The following TRIM3 variants were observed in gnomAD, a reference collection of about 807,000 sequenced individuals.
TRIM3 encodes tripartite motif containing 3.
A neutral mutation model predicts 66.6 loss-of-function variants in TRIM3; 13 were observed. That is an observed-to-expected ratio of 0.20 (90% CI 0.13 to 0.31). The LOEUF is 0.31. TRIM3 is among the 10% of genes least tolerant of loss of function. The probability of loss-of-function intolerance (pLI) is 1.00; values close to 1 mark genes in which losing one functional copy is unlikely to be tolerated. For missense variants in TRIM3, 711 were observed against 1,020.4 expected (o/e 0.70, Z 4.13); for synonymous variants, 406 against 411.7 (o/e 0.99, Z 0.17).
In TRIM3 at chr11:6,449,963, C is replaced by A; in HGVS notation, c.1942-517G>T. 6.3e-6 allele frequency: 1 copy of A among 159,658 alleles called. No individual in the cohort carries two copies. Among genetic ancestry groups the A allele is most frequent in the South Asian group, 1.9e-4 (1 of 5,394 alleles). The allele number at this position is 159,658 out of a possible 1,614,324, so 9.9% of individuals were successfully genotyped here. A position where few individuals can be genotyped will look rare whatever the true frequency, so the allele number is the denominator to read the frequency against. On this transcript the variant is annotated intron_variant, in intron 10 of 11. Transcript: ENST00000345851. The surrounding 1 kb of genome is among the most constrained non-coding windows in gnomAD (Gnocchi z 5.3). ...CACACAGGACTGCATCACTCCCCTG[C>A]CTGCAATCCTGTGACTCCCCATAGC...
At chr11:6,464,986 C>CAAAAAAAAAA (rs544959608) in intron 2 of TRIM3, among the ~76,000 whole-genome samples, 1 of 54,178 alleles carries the variant, frequency 1.8e-5, no homozygotes, top group Non-Finnish European at 3.3e-5. Context: ...GACTCCATCT[C>CAAAAAAAAAA]AAAAAAAAAA....
At chr11:6,461,113 C>T (rs1038220067) in intron 2 of TRIM3, among the ~76,000 whole-genome samples, 20 of 151,930 alleles carry the variant, frequency 1.3e-4, no homozygotes, top group Non-Finnish European at 2.5e-4. Flanking sequence ...GTCATGTTGG[C>T]CAGGCTGGTC....
At position 6,458,440 on chromosome 11, in the gene TRIM3, A is replaced by T. The variant is rs972455139; in HGVS notation, c.132-144T>A. On this transcript the variant is annotated intron_variant, in intron 2 of 11. Transcript: ENST00000345851. This position sits in a 1 kb window ranked among gnomAD's most constrained non-coding sequence, Gnocchi z 6.2. ...AAAACCTCTCTGCTTGACACATCTC[A>T]TCTGCCAGCAGGTATAATGGCCTTG... 3.1e-5 allele frequency: 21 copies of T among 675,020 alleles called. No homozygotes were observed. The highest frequency in any genetic ancestry group is 1.5e-4 in the South Asian group (8 of 51,972). 41.8% of individuals were successfully genotyped at this position (675,020 alleles called of 1,614,324 possible). A position where few individuals can be genotyped will look rare whatever the true frequency, so the allele number is the denominator to read the frequency against.
At chr11:6,465,803 T>A in intron 1 of TRIM3, 71 bp from the exon 2 acceptor site, 1 of 1,432,516 alleles carries the variant, frequency 7.0e-7, no homozygotes, top group Non-Finnish European at 9.6e-7. Context: ...GCCACTCAAA[T>A]CCCCTGCAGA....
chr11:6,457,943 C>T lies in TRIM3; in HGVS notation c.364-96G>A. Reference sequence around the variant, plus strand: ...CCCTGCCCCTCACCTTCTAAGTGCACCCCCTACCTGGACCACTAATCCAGA... The same window carrying T: ...CCCTGCCCCTCACCTTCTAAGTGCATCCCCTACCTGGACCACTAATCCAGA... On this transcript the variant is annotated intron_variant, in intron 3 of 11. Transcript: ENST00000345851. This position sits in a 1 kb window ranked among gnomAD's most constrained non-coding sequence, Gnocchi z 4.5. 6.4e-7 allele frequency: 1 copy of T among 1,561,640 alleles called. No homozygotes were observed. Among genetic ancestry groups the T allele is most frequent in the Non-Finnish European group, 8.7e-7 (1 of 1,148,432 alleles).
chr11:6,456,389 C>A lies in TRIM3; in HGVS notation c.1337G>T (p.Arg446Leu), dbSNP rs767172065. The part of the protein sequence containing the change: ...KSPGGPGSHV[R>L]QKAVRRPSSM... ...GCTGGGCCTACGCACTGCCTTCTGG[C>A]GCACATGGCTGCCGGGGCCGCCAGG... Residue 446 changes from arginine to leucine, a missense_variant, in exon 6 of 12, where the codon CGC becomes CTC. Arg to Leu is a moderately radical substitution (Grantham distance 102). This residue lies in a region of TRIM3 where 399 missense variants were observed against 458.1 expected (regional missense o/e 0.87). Coordinates refer to ENST00000345851, the MANE Select transcript of TRIM3 (RefSeq NM_033278.4). The surrounding 1 kb of genome is among the most constrained non-coding windows in gnomAD (Gnocchi z 6.4). 7.8e-6 allele frequency: 12 copies of A among 1,530,074 alleles called. No individual in the cohort carries two copies. The South Asian group carries it at 1.0e-4, about 13-fold the overall frequency. The allele number at this position is 1,530,074 out of a possible 1,614,324, so 94.8% of individuals were successfully genotyped here. A position where few individuals can be genotyped will look rare whatever the true frequency, so the allele number is the denominator to read the frequency against.
intron 7 of TRIM3, chr11:6,453,142 A>G (rs1245203919): frequency 6.6e-6 from 1 of 152,218 alleles, no homozygotes; most frequent in Non-Finnish European, 1.5e-5. Flanking sequence ...CAGCACTGAT[A>G]TGGCATTTGG....
At position 6,450,741 on chromosome 11, in the gene TRIM3, C is replaced by G. The variant is rs1426033836; in HGVS notation, c.1871-120G>C. 9 of 1,425,728 alleles carry G rather than the reference C, an allele frequency of 6.3e-6. No individual in the cohort carries two copies. The highest frequency in any genetic ancestry group is 7.8e-6 in the Non-Finnish European group (8 of 1,021,820). 88.3% of individuals were successfully genotyped at this position (1,425,728 alleles called of 1,614,324 possible). A position where few individuals can be genotyped will look rare whatever the true frequency, so the allele number is the denominator to read the frequency against. On this transcript the variant is annotated intron_variant, in intron 9 of 11. Transcript: ENST00000345851. This position sits in a 1 kb window ranked among gnomAD's most constrained non-coding sequence, Gnocchi z 4.8. The stretch of plus-strand genomic sequence containing the variant: ...AGGGGTGGGGTCTCCAGGACTGAGA[C>G]AAATTATTTCTGAGATGATAGGGCT...
At position 6,458,369 on chromosome 11, in the gene TRIM3, G is replaced by A. The variant is rs1341986205; in HGVS notation, c.132-73C>T. On this transcript the variant is annotated intron_variant, in intron 2 of 11. Coordinates refer to ENST00000345851, the MANE Select transcript of TRIM3 (RefSeq NM_033278.4). The surrounding 1 kb of genome is among the most constrained non-coding windows in gnomAD (Gnocchi z 6.2). ...GTGCACCCTTCCTTATACTTCCCAT[G>A]GGTGCCAACCCCTTCCCTCACAGGT... 2 of 1,282,386 alleles carry A rather than the reference G, an allele frequency of 1.6e-6. No homozygotes were observed. The highest frequency in any genetic ancestry group is 3.8e-5 in the Admixed American group (2 of 53,254). 79.4% of individuals were successfully genotyped at this position (1,282,386 alleles called of 1,614,324 possible).
intron 1 of TRIM3, among the ~76,000 whole-genome samples, chr11:6,472,420 CA>C (rs1850717521): frequency 6.6e-6 from 1 of 151,816 alleles, no homozygotes; most frequent in South Asian, 2.1e-4. Flanking sequence ...GCCTCCCCTC[CA>C]CACTCCCCCT....
chr11:6,448,963 C>A lies in TRIM3; in HGVS notation c.*65G>T, dbSNP rs1849609649. On this transcript the variant is annotated 3_prime_UTR_variant, in exon 12 of 12. Transcript: ENST00000345851. ...TGCCAGGTCTGGCCCACCTCCCAGC[C>A]AGACCCTCTTGTCCAATCACCCCAA... 3.8e-6 allele frequency: 6 copies of A among 1,594,506 alleles called. No homozygotes were observed. The Admixed American group carries it at 1.0e-4, about 27-fold the overall frequency.
chr11:6,454,626 T>C (rs914767166), intron 7 of TRIM3, among the ~76,000 whole-genome samples: 24 of 152,064 alleles, frequency 1.6e-4, no homozygotes, highest in African/African-American at 5.8e-4. Context: ...CGCAATCCCC[T>C]CCTCACTATC....
chr11:6,472,304 C>T (rs929346734), intron 1 of TRIM3, among the ~76,000 whole-genome samples: 1 of 152,192 alleles, frequency 6.6e-6, no homozygotes, highest in African/African-American at 2.4e-5. Flanking sequence ...AGGGCTTCCA[C>T]AGATTGTACC....
At chr11:6,470,709 A>C (rs1272673930) in intron 1 of TRIM3, among the ~76,000 whole-genome samples, 1 of 152,240 alleles carries the variant, frequency 6.6e-6, no homozygotes, top group Non-Finnish European at 1.5e-5. Context: ...ATGTTGGTGC[A>C]GAGATGGTTC....
At chr11:6,453,082 A>G (rs1849800063) in intron 7 of TRIM3, 1 of 152,224 alleles carries the variant, frequency 6.6e-6, no homozygotes, top group Non-Finnish European at 1.5e-5. Context: ...TAAGGATGTA[A>G]GCCTCGCATG....
At position 6,450,147 on chromosome 11, in the gene TRIM3, A is replaced by C. The variant is rs1849661051; in HGVS notation, c.1941+404T>G. The C allele has an allele frequency of 5.5e-6, 1 of 180,220 alleles. No individual in the cohort carries two copies. Among genetic ancestry groups the C allele is most frequent in the Admixed American group, 5.7e-5 (1 of 17,548 alleles). 11.2% of individuals were successfully genotyped at this position (180,220 alleles called of 1,614,324 possible). ...TGGCTCTTCCTGTGTCTTTTGTCTC[A>C]AACACTCTCGTCCTCCTCTGCCTTC... On this transcript the variant is annotated intron_variant, in intron 10 of 11. Transcript: ENST00000345851. This position sits in a 1 kb window ranked among gnomAD's most constrained non-coding sequence, Gnocchi z 4.8.
At chr11:6,461,786 C>T (rs1353081466) in intron 2 of TRIM3, among the ~76,000 whole-genome samples, 2 of 152,180 alleles carry the variant, frequency 1.3e-5, no homozygotes, top group African/African-American at 4.8e-5. Flanking sequence ...TGTTTCCACT[C>T]TTGCTCCTTT....
At chr11:6,454,217 A>G (rs994369241) in intron 7 of TRIM3, among the ~76,000 whole-genome samples, 4 of 152,040 alleles carry the variant, frequency 2.6e-5, no homozygotes, top group African/African-American at 9.7e-5. Context: ...CGTCTTTACT[A>G]AAAATAAAAA....
Position 6,458,013 on chromosome 11 carries a change from C to A in TRIM3, c.363+52G>T. On this transcript the variant is annotated intron_variant, in intron 3 of 11. Transcript: ENST00000345851. The surrounding 1 kb of genome is among the most constrained non-coding windows in gnomAD (Gnocchi z 6.2). ...CCACTCGGCACCCCCCAATGCCTCTCCTCCTCCTCCCACCCCAAGTCCCGG... is the reference window on the plus strand; with the variant it reads ...CCACTCGGCACCCCCCAATGCCTCTACTCCTCCTCCCACCCCAAGTCCCGG... 1 of 1,531,018 alleles carries A rather than the reference C, an allele frequency of 6.5e-7. No homozygotes were observed. The highest frequency in any genetic ancestry group is 8.9e-7 in the Non-Finnish European group (1 of 1,128,622). The allele number at this position is 1,531,018 out of a possible 1,614,324, so 94.8% of individuals were successfully genotyped here.
Sources: gnomAD v4.1 joint callset for allele counts (sites outside exome capture counted in the v4.1 genomes callset) on GRCh38, gnomAD v4.1.1 for gene constraint, gnomAD v4.1.1 regional missense constraint, Gnocchi (gnomAD v3.1) non-coding constraint, MANE v1.5 for transcripts, NCBI Gene and HGNC (gene_info 2026-07-23, HGNC 2026-07-21) for gene names.